PHACTR1: variants seen among roughly 807,000 people sequenced by gnomAD.
The protein encoded by PHACTR1 is phosphatase and actin regulator 1, also known as RPEL repeat containing 1.
PHACTR1 carries 16 observed loss-of-function variants against 69.2 expected under a neutral mutation model. The observed-to-expected ratio is 0.23, with a 90% confidence interval of 0.16 to 0.35. The LOEUF is 0.35. Among genes scored for constraint, PHACTR1 ranks in the 10% least tolerant of loss-of-function variants. PHACTR1 has a pLI of 1.00. For missense variants in PHACTR1, 510 were observed against 734.7 expected (o/e 0.69, Z 3.54); for synonymous variants, 312 against 284.5 (o/e 1.10, Z -0.97).
intron 4 of PHACTR1, among the ~76,000 whole-genome samples, chr6:12,945,320 T>C (rs1281752482): frequency 6.6e-6 from 1 of 152,246 alleles, no homozygotes; most frequent in East Asian, 1.9e-4. Context: ...TGATAGCTCT[T>C]ACTGCATTTT....
intron 4 of PHACTR1, among the ~76,000 whole-genome samples, chr6:12,885,882 G>T (rs1450085843): frequency 6.6e-6 from 1 of 152,166 alleles, no homozygotes; most frequent in Non-Finnish European, 1.5e-5. Context: ...ATCACCTGAG[G>T]TCAGGAGTTC....
chr6:12,870,506 A>G (rs1322447691), intron 4 of PHACTR1, among the ~76,000 whole-genome samples: 1 of 152,210 alleles, frequency 6.6e-6, no homozygotes, highest in Admixed American at 6.5e-5. Flanking sequence ...TTAAAATTAC[A>G]ATCATCTAGA....
chr6:12,847,325 G>A (rs946811531), intron 4 of PHACTR1, among the ~76,000 whole-genome samples: 2 of 152,046 alleles, frequency 1.3e-5, no homozygotes, highest in African/African-American at 2.4e-5. Context: ...ATAAATAATA[G>A]CCACTCACTA....
intron 4 of PHACTR1, among the ~76,000 whole-genome samples, chr6:12,857,617 T>C (rs1043959150): frequency 1.5e-5 from 2 of 129,312 alleles, no homozygotes; most frequent in African/African-American, 5.3e-5. Context: ...AAAAAAAAAA[T>C]TCTCCCAGGC....
In PHACTR1 at chr6:13,069,093, C is replaced by T. The variant is rs561305928; in HGVS notation, c.415+15564C>T. ...TGCTGTTTTACAAACAGAAAAGAAGCGCCAGTTAACTTTCAAAAGAAAACA... is the reference window on the plus strand; with the variant it reads ...TGCTGTTTTACAAACAGAAAAGAAGTGCCAGTTAACTTTCAAAAGAAAACA... On this transcript the variant is annotated intron_variant, in intron 5 of 14. Transcript: ENST00000332995. Among the ~76,000 whole-genome samples the T allele has an allele frequency of 1.5e-4, 23 of 152,132 alleles. No individual in the cohort carries two copies. The South Asian group carries it at 2.9e-3, about 19-fold the overall frequency.
intron 4 of PHACTR1, among the ~76,000 whole-genome samples, chr6:12,932,344 A>C (rs77839719): frequency 0.028 from 4,193 of 152,286 alleles, 182 homozygotes; most frequent in African/African-American, 0.095. Flanking sequence ...TCTCTATGCC[A>C]GTAAATATGT....
intron 4 of PHACTR1, among the ~76,000 whole-genome samples, chr6:12,985,008 C>T (rs1025273082): frequency 2.3e-4 from 35 of 152,318 alleles, no homozygotes; most frequent in African/African-American, 7.2e-4. Flanking sequence ...TGGCAAAAGC[C>T]GGGTTGTCCC....
intron 4 of PHACTR1, among the ~76,000 whole-genome samples, chr6:12,764,704 G>A (rs1768405647): frequency 6.6e-6 from 1 of 152,176 alleles, no homozygotes; most frequent in Non-Finnish European, 1.5e-5. Flanking sequence ...ACAGTCAGGA[G>A]CAGATGAAAA....
chr6:13,162,489 C>G (rs1318309161), intron 6 of PHACTR1, among the ~76,000 whole-genome samples: 2 of 151,988 alleles, frequency 1.3e-5, no homozygotes, highest in African/African-American at 4.8e-5. Flanking sequence ...CATATTCACC[C>G]CCCAGGAGAG....
intron 5 of PHACTR1, among the ~76,000 whole-genome samples, chr6:13,091,687 A>G (rs1202125997): frequency 6.6e-6 from 1 of 152,190 alleles, no homozygotes; most frequent in Non-Finnish European, 1.5e-5. Context: ...TTTTTCTACA[A>G]CTAGTCACTC....
intron 10 of PHACTR1, among the ~76,000 whole-genome samples, chr6:13,250,584 G>A (rs1435863153): frequency 6.6e-6 from 1 of 152,254 alleles, no homozygotes; most frequent in African/African-American, 2.4e-5. Flanking sequence ...AGGAATCTGT[G>A]TAAGCAGAAA....
chr6:13,053,336 G>T lies in PHACTR1; in HGVS notation c.251-29G>T, dbSNP rs369183133. 20 of 1,570,150 alleles carry T rather than the reference G, an allele frequency of 1.3e-5. No homozygotes were observed. In the Admixed American group the frequency reaches 2.1e-4, roughly 17 times the overall value. ...ATTTTAACACTTTTTTTCTCTCTTT[G>T]TTTTCATCTCTTTCTTGGAAATAAC... On this transcript the variant is annotated intron_variant, in intron 4 of 14. Transcript: ENST00000332995.
chr6:12,937,713 A>G (rs1478918757), intron 4 of PHACTR1, among the ~76,000 whole-genome samples: 2 of 152,188 alleles, frequency 1.3e-5, no homozygotes, highest in African/African-American at 4.8e-5. Flanking sequence ...CTGAGTAGCA[A>G]TCTGGAAACC....
chr6:13,254,474 T>C (rs1774912820), intron 10 of PHACTR1, among the ~76,000 whole-genome samples: 1 of 152,216 alleles, frequency 6.6e-6, no homozygotes, highest in Non-Finnish European at 1.5e-5. Flanking sequence ...TCTGTCACTG[T>C]TGATCACCAG....
At chr6:13,232,701 C>T (rs1237440) in intron 10 of PHACTR1, among the ~76,000 whole-genome samples, 2,738 of 152,066 alleles carry the variant, frequency 0.018, 86 homozygotes, top group African/African-American at 0.062. Flanking sequence ...GACAATGATC[C>T]TGGCTTCCCC....
In PHACTR1 at chr6:13,129,766, A is replaced by G. The variant is rs2127963677; in HGVS notation, c.416-30438A>G. On this transcript the variant is annotated intron_variant, in intron 5 of 14. Transcript: ENST00000332995. Reference sequence around the variant, plus strand: ...CAGGTCATCACAACAGAAAGTCAACAAAGAAACAATGGACTTAAATTATAC... The same window carrying G: ...CAGGTCATCACAACAGAAAGTCAACGAAGAAACAATGGACTTAAATTATAC... Among the ~76,000 whole-genome samples the G allele has an allele frequency of 1.3e-5, 2 of 152,292 alleles. 1 individual carries two copies. The highest frequency in any genetic ancestry group is 4.1e-4 in the South Asian group (2 of 4,830).
chr6:13,106,753 G>A (rs1334628123), intron 5 of PHACTR1, among the ~76,000 whole-genome samples: 1 of 152,042 alleles, frequency 6.6e-6, no homozygotes, highest in East Asian at 1.9e-4. Flanking sequence ...ATGAATGGAT[G>A]TTGAATATTG....
intron 7 of PHACTR1, among the ~76,000 whole-genome samples, chr6:13,185,438 C>T (rs1001699607): frequency 1.4e-5 from 2 of 144,226 alleles, no homozygotes; most frequent in African/African-American, 5.2e-5. Flanking sequence ...TATTAAAATT[C>T]ATGTCAGTGC....
intron 4 of PHACTR1, among the ~76,000 whole-genome samples, chr6:12,857,325 A>T (rs1010759075): frequency 6.6e-6 from 1 of 152,190 alleles, no homozygotes; most frequent in African/African-American, 2.4e-5. Flanking sequence ...AAAAATCAAC[A>T]TTCTCGTCAG....
Sources: gnomAD v4.1 joint callset for allele counts (sites outside exome capture counted in the v4.1 genomes callset) on GRCh38, gnomAD v4.1.1 for gene constraint, MANE v1.5 for transcripts, NCBI Gene and HGNC (gene_info 2026-07-23, HGNC 2026-07-21) for gene names.